Variants in PRDM4 observed in about 807,000 individuals in gnomAD.
The protein encoded by PRDM4 is PR domain zinc finger protein 4.
A neutral mutation model predicts 62.3 loss-of-function variants in PRDM4; 38 were observed. That is an observed-to-expected ratio of 0.61 (90% CI 0.47 to 0.80). The LOEUF is 0.80. Ranked by LOEUF, PRDM4 falls within the 30% of genes least tolerant of loss-of-function variation. The probability of loss-of-function intolerance (pLI) is 0.00; values close to 1 mark genes in which losing one functional copy is unlikely to be tolerated. For synonymous variants in PRDM4, 339 were observed against 348.2 expected, an observed-to-expected ratio of 0.97 and a Z score of 0.30; for missense variants, 858 against 997.1, an observed-to-expected ratio of 0.86 and a Z score of 1.88.
intron 6 of PRDM4, among the ~76,000 whole-genome samples, chr12:107,745,254 C>G (rs1421643791): frequency 1.3e-5 from 2 of 152,052 alleles, no homozygotes; most frequent in Admixed American, 6.6e-5. Context: ...TCATGTCTCT[C>G]CAAATACATT....
At chr12:107,751,129 A>G (rs1258144263) in intron 5 of PRDM4, among the ~76,000 whole-genome samples, 1 of 152,226 alleles carries the variant, frequency 6.6e-6, no homozygotes, top group Non-Finnish European at 1.5e-5. Context: ...CTACAGGCAC[A>G]CACTACCGCA....
intron 2 of PRDM4, among the ~76,000 whole-genome samples, chr12:107,759,098 T>C (rs573015537): frequency 6.6e-4 from 101 of 152,268 alleles, no homozygotes; most frequent in Non-Finnish European, 1.2e-3. Context: ...GTGAGACCCC[T>C]GTCTCTACTA....
chr12:107,744,557 T>C lies in PRDM4; in HGVS notation c.1381A>G (p.Asn461Asp). The change falls in exon 7 of 12, where the codon AAC becomes GAC. Residue 461 changes from asparagine to aspartate, a missense_variant. By Grantham distance (23) the Asn-to-Asp change is conservative. Transcript: ENST00000228437. ...EVAEWTDKAVNHIWKIYHNGV... is the reference protein window; with the variant it reads ...EVAEWTDKAVDHIWKIYHNGV... ...TCAGGACTGACCTTCCAGATATGGT[T>C]AACTGCCTTGTCTGTCCATTCTGCT... 6.2e-7 allele frequency: 1 copy of C among 1,613,580 alleles called. No individual in the cohort carries two copies. The highest frequency in any genetic ancestry group is 8.5e-7 in the Non-Finnish European group (1 of 1,179,556).
At chr12:107,744,810 G>A (rs112857670) in intron 6 of PRDM4, 149 bp from the exon 7 acceptor site, 38 of 1,103,674 alleles carry the variant, frequency 3.4e-5, no homozygotes, top group South Asian at 8.4e-5. Context: ...CTGTTATCCC[G>A]GCACTTTGGG....
rs762867970 is a variant in PRDM4, at chr12:107,751,529, T to C, written c.1012A>G (p.Met338Val). ...AVSSITQEVA[M>V]GTGHVDVSSD... ...GATACATCTACATGACCTGTCCCCA[T>C]AGCAACCTCCTGGGTGATGGAGGAG... The change falls in exon 5 of 12, where the codon ATG becomes GTG. Residue 338 changes from methionine (M) to valine (V), a missense_variant. By Grantham distance (21) the Met-to-Val change is conservative. Coordinates refer to ENST00000228437, the MANE Select transcript of PRDM4 (RefSeq NM_012406.4). 3.0e-5 allele frequency: 49 copies of C among 1,612,152 alleles called. No individual in the cohort carries two copies. Among genetic ancestry groups the C allele is most frequent in the Non-Finnish European group, 3.7e-5 (44 of 1,178,360 alleles).
chr12:107,751,640 C>T lies in PRDM4; in HGVS notation c.901G>A (p.Val301Met), dbSNP rs199995389. ...TVAMSTNSVS[V>M]ALSTSHNLAS... Reference sequence around the variant, plus strand: ...AGGTTGTGTGAGGTAGAGAGTGCCACGCTTACAGAGTTGGTGCTCATGGCC... The same window carrying T: ...AGGTTGTGTGAGGTAGAGAGTGCCATGCTTACAGAGTTGGTGCTCATGGCC... Residue 301 changes from valine to methionine, a missense_variant, in exon 5 of 12, where the codon GTG becomes ATG. Val to Met is a conservative substitution (Grantham distance 21, BLOSUM62 1). Transcript: ENST00000228437. The T allele has an allele frequency of 5.2e-5, 84 of 1,613,950 alleles. No homozygotes were observed. Among genetic ancestry groups the T allele is most frequent in the East Asian group, 3.6e-4 (16 of 44,894 alleles).
intron 2 of PRDM4, chr12:107,758,262 G>GT (rs1891126571): frequency 1.9e-5 from 1 of 51,690 alleles, no homozygotes; most frequent in African/African-American, 8.5e-5. Context: ...TTTTTTTTTT[G>GT]TTTTTGAGAC....
At chr12:107,749,959 G>T (rs1254899098) in intron 5 of PRDM4, among the ~76,000 whole-genome samples, 1 of 152,106 alleles carries the variant, frequency 6.6e-6, no homozygotes, top group Non-Finnish European at 1.5e-5. Flanking sequence ...GCCAGCTCCT[G>T]TCTTCCTGAC....
Position 107,733,700 on chromosome 12 carries a change from T to G in PRDM4, c.*510A>C, listed in dbSNP as rs1480895962. On this transcript the variant is annotated 3_prime_UTR_variant, in exon 12 of 12. Transcript: ENST00000228437. ...AGTTAAGGCAGGTCCTGCTTTAAAC[T>G]TACTAGCTGCCAAGTAGCACACTTA... The G allele has an allele frequency of 6.5e-6, 1 of 153,388 alleles. No homozygotes were observed. Among genetic ancestry groups the G allele is most frequent in the Non-Finnish European group, 1.4e-5 (1 of 68,992 alleles). 9.5% of individuals were successfully genotyped at this position (153,388 alleles called of 1,614,324 possible).
intron 3 of PRDM4, chr12:107,754,997 T>G (rs1891017643): frequency 6.6e-6 from 1 of 152,258 alleles, no homozygotes; most frequent in Non-Finnish European, 1.5e-5. Flanking sequence ...TATATGTACT[T>G]GCAAAGTGAA....
chr12:107,737,033 GTA>G (rs1418899791), intron 11 of PRDM4: 1 of 152,200 alleles, frequency 6.6e-6, no homozygotes, highest in African/African-American at 2.4e-5. Context: ...ATGGTGAGGT[GTA>G]TGAGGGTGGA....
rs1434955190 is a variant in PRDM4 at position 107,738,906 on chromosome 12, CACACACA to C, written c.2093+470_2093+476del. 1.4e-4 allele frequency among the ~76,000 whole-genome samples: 21 copies of C among 151,314 alleles called. 1 individual carries two copies. The highest frequency in any genetic ancestry group is 1.9e-4 in the Non-Finnish European group (13 of 67,836). ...ACACACACACACACACACACACACA[CACACACA>C]CCAACAGAACAGTTCCAAAATGGCA... is the stretch of plus-strand genomic sequence containing the variant. On this transcript the variant is annotated intron_variant, in intron 11 of 11. Coordinates refer to ENST00000228437, the MANE Select transcript of PRDM4 (RefSeq NM_012406.4).
chr12:107,749,220 ATC>A lies in PRDM4; in HGVS notation c.1126+2193_1126+2194del, dbSNP rs149054551. 1.5e-3 allele frequency among the ~76,000 whole-genome samples: 227 copies of A among 152,224 alleles called. 2 individuals are homozygous for A. Among genetic ancestry groups the A allele is most frequent in the Admixed American group, 6.7e-3 (103 of 15,290 alleles). On this transcript the variant is annotated intron_variant, in intron 5 of 11. Transcript: ENST00000228437. ...ATGATTCTTAAATATTTCCAGACAG[ATC>A]TCTCTCAGGTCCACACACAACTTTT...
chr12:107,757,371 C>T (rs1051128887), intron 2 of PRDM4, among the ~76,000 whole-genome samples: 1 of 152,046 alleles, frequency 6.6e-6, no homozygotes, highest in African/African-American at 2.4e-5. Context: ...TTTTAGGCAG[C>T]GCATTTTAAC....
At chr12:107,744,501 A>G in intron 7 of PRDM4, 42 bp downstream of exon 7, 1 of 1,589,704 alleles carries the variant, frequency 6.3e-7, no homozygotes, top group Non-Finnish European at 8.6e-7. Flanking sequence ...TCTTACTAAG[A>G]AAAACAGCCA....
rs1891081467 is a variant in PRDM4, at chr12:107,756,881, A to G, written c.96T>C (p.Ser32=). ...TGGGTGAGGCAGCCAATCCCAGGTGACTTCCTGAGACTGGCAAGGCATTGC... is the reference window on the plus strand; with the variant it reads ...TGGGTGAGGCAGCCAATCCCAGGTGGCTTCCTGAGACTGGCAAGGCATTGC... ...SVSNALPVSG[S]HLGLAASPTH... is the part of the protein sequence containing the mutation. Residue 32 remains serine, a synonymous_variant, in exon 3 of 12, where the codon AGT becomes AGC. Transcript: ENST00000228437. The G allele has an allele frequency of 1.2e-6, 2 of 1,614,018 alleles. No individual in the cohort carries two copies. The highest frequency in any genetic ancestry group is 1.7e-5 in the Admixed American group (1 of 60,000).
intron 2 of PRDM4, among the ~76,000 whole-genome samples, chr12:107,757,498 A>G (rs1375732674): frequency 6.6e-6 from 1 of 152,202 alleles, no homozygotes; most frequent in Non-Finnish European, 1.5e-5. Flanking sequence ...ATTCTGTATC[A>G]GTATATTAAT....
intron 4 of PRDM4, among the ~76,000 whole-genome samples, chr12:107,753,387 AAAG>A (rs1890961705): frequency 6.7e-6 from 1 of 149,052 alleles, no homozygotes; most frequent in African/African-American, 2.4e-5. Context: ...AAAAAAAAAA[AAAG>A]AAAAGAAAAA....
At chr12:107,756,343 C>T (rs943853775) in intron 3 of PRDM4, among the ~76,000 whole-genome samples, 5 of 152,128 alleles carry the variant, frequency 3.3e-5, no homozygotes, top group African/African-American at 1.2e-4. Flanking sequence ...ATGTAAAAGC[C>T]CCAGGTAAAA....
Sources: allele counts gnomAD v4.1 joint callset (sites outside exome capture counted in the v4.1 genomes callset), GRCh38; gene constraint gnomAD v4.1.1; transcripts MANE v1.5; gene names NCBI Gene and HGNC (gene_info 2026-07-23, HGNC 2026-07-21).